Variants in GRHL2 observed in about 807,000 individuals in gnomAD.
The protein encoded by GRHL2 is grainyhead like transcription factor 2.
GRHL2 carries 21 observed loss-of-function variants against 83.8 expected under a neutral mutation model. That is an observed-to-expected ratio of 0.25 (90% CI 0.18 to 0.36). The LOEUF is 0.36. GRHL2 is among the 10% of genes least tolerant of loss of function. The pLI is 1.00. For synonymous variants in GRHL2, 280 were observed against 278.9 expected, an observed-to-expected ratio of 1.00 and a Z score of -0.04; for missense variants, 623 against 781.8, an observed-to-expected ratio of 0.80 and a Z score of 2.42.
chr8:101,531,757 A>C (rs1046295052), intron 1 of GRHL2, among the ~76,000 whole-genome samples: 1 of 151,762 alleles, frequency 6.6e-6, no homozygotes, highest in Non-Finnish European at 1.5e-5. Flanking sequence ...CAATCCTTTT[A>C]CTTAATAGGT....
chr8:101,492,708 A>C lies in GRHL2; in HGVS notation c.-62A>C. 1 of 1,473,504 alleles carries C rather than the reference A, an allele frequency of 6.8e-7. No homozygotes were observed. The highest frequency in any genetic ancestry group is 9.5e-7 in the Non-Finnish European group (1 of 1,051,428). The allele number at this position is 1,473,504 out of a possible 1,614,324, so 91.3% of individuals were successfully genotyped here. A position where few individuals can be genotyped will look rare whatever the true frequency, so the allele number is the denominator to read the frequency against. ...CACACCTTCACCTGCACAGACTTGA[A>C]AGTCCAGTTTCACCAGAGGCTGAGG... On this transcript the variant is annotated 5_prime_UTR_variant, in exon 1 of 16. Coordinates refer to ENST00000646743, the MANE Select transcript of GRHL2 (RefSeq NM_024915.4).
At chr8:101,524,506 T>A (rs1220700355) in intron 1 of GRHL2, among the ~76,000 whole-genome samples, 1 of 152,178 alleles carries the variant, frequency 6.6e-6, no homozygotes, top group Non-Finnish European at 1.5e-5. Context: ...CTGATTTATC[T>A]ATATCCCACA....
At chr8:101,675,920 T>A in the GRHL2 span, among the ~76,000 whole-genome samples, 119 of 152,278 alleles carry the variant, frequency 7.8e-4, no homozygotes, top group African/African-American at 2.7e-3. Context: ...TCTACAACCA[T>A]CTGATCTTTG....
intron 14 of GRHL2, among the ~76,000 whole-genome samples, chr8:101,654,061 G>T (rs1343447989): frequency 6.6e-6 from 1 of 152,158 alleles, no homozygotes; most frequent in Non-Finnish European, 1.5e-5. Flanking sequence ...TTTCATAACC[G>T]CATCGCAGCG....
At chr8:101,554,604 T>G (rs1172379708) in intron 3 of GRHL2, among the ~76,000 whole-genome samples, 1 of 152,212 alleles carries the variant, frequency 6.6e-6, no homozygotes, top group Non-Finnish European at 1.5e-5. Flanking sequence ...TGAATATAAT[T>G]TGGAAGGATG....
At chr8:101,674,059 T>C (rs978175108), downstream of GRHL2, among the ~76,000 whole-genome samples, 2 of 150,510 alleles carry the variant, frequency 1.3e-5, no homozygotes, top group East Asian at 3.9e-4. Flanking sequence ...TTCAAAGCAG[T>C]GTGTAGAGGG....
intron 7 of GRHL2, among the ~76,000 whole-genome samples, chr8:101,579,507 G>T (rs1812004248): frequency 6.6e-6 from 1 of 152,116 alleles, no homozygotes; most frequent in Admixed American, 6.5e-5. Context: ...GTAGCTTCAT[G>T]GGTAGCTGGG....
intron 1 of GRHL2, among the ~76,000 whole-genome samples, chr8:101,532,702 C>T (rs1250987083): frequency 2.0e-5 from 3 of 150,344 alleles, no homozygotes; most frequent in African/African-American, 4.9e-5. Flanking sequence ...TGCAGTGAGC[C>T]GAGATCATGC....
At chr8:101,621,530 A>G (rs970793354) in intron 9 of GRHL2, among the ~76,000 whole-genome samples, 1 of 152,176 alleles carries the variant, frequency 6.6e-6, no homozygotes, top group African/African-American at 2.4e-5. Flanking sequence ...ACAAGCTGGA[A>G]AACAATAAAA....
In GRHL2 at chr8:101,573,797, C is replaced by T. The variant is rs1438479500; in HGVS notation, c.864C>T (p.Cys288=). ...ITLSETGDNK[C]FRHPISKVRS... ...TCAGCGAGACCGGAGACAACAAATGCTTCCGACACCCCATCAGCAAAGTCA... is the reference window on the plus strand; with the variant it reads ...TCAGCGAGACCGGAGACAACAAATGTTTCCGACACCCCATCAGCAAAGTCA... Residue 288 remains cysteine (C), a synonymous_variant, in exon 6 of 16, where the codon TGC becomes TGT. Transcript: ENST00000646743. 2.1e-5 allele frequency: 34 copies of T among 1,614,220 alleles called. No homozygotes were observed. Among genetic ancestry groups the T allele is most frequent in the Non-Finnish European group, 2.8e-5 (33 of 1,180,040 alleles).
intron 11 of GRHL2, among the ~76,000 whole-genome samples, chr8:101,632,839 C>A (rs1813213949): frequency 6.6e-6 from 1 of 152,164 alleles, no homozygotes; most frequent in South Asian, 2.1e-4. Context: ...CATTTCACAT[C>A]AAAAGAAAAA....
chr8:101,589,800 G>A (rs904403710), intron 7 of GRHL2, among the ~76,000 whole-genome samples: 1 of 152,190 alleles, frequency 6.6e-6, no homozygotes, highest in African/African-American at 2.4e-5. Flanking sequence ...GTCACTCTAT[G>A]CTGGTCACAT....
intron 14 of GRHL2, among the ~76,000 whole-genome samples, chr8:101,657,216 T>C (rs1320546412): frequency 6.6e-6 from 1 of 152,150 alleles, no homozygotes; most frequent in East Asian, 1.9e-4. Context: ...GAACAGCATA[T>C]AACTCCACAT....
At chr8:101,557,774 GCTTCTT>G (rs1811518017) in intron 3 of GRHL2, among the ~76,000 whole-genome samples, 1 of 152,028 alleles carries the variant, frequency 6.6e-6, no homozygotes, top group African/African-American at 2.4e-5. Flanking sequence ...TTGTCTGATC[GCTTCTT>G]TTTGATGTTG....
At chr8:101,552,288 A>G (rs1204916407) in intron 2 of GRHL2, among the ~76,000 whole-genome samples, 1 of 152,160 alleles carries the variant, frequency 6.6e-6, no homozygotes, top group East Asian at 1.9e-4. Flanking sequence ...TAAAGTTCTC[A>G]TCAGAGGGGA....
chr8:101,549,161 A>G (rs555653557), intron 2 of GRHL2, among the ~76,000 whole-genome samples: 1 of 152,222 alleles, frequency 6.6e-6, no homozygotes, highest in African/African-American at 2.4e-5. Flanking sequence ...GGGGTGGGGC[A>G]TGTTCTAGGC....
In GRHL2 at chr8:101,558,371, T is replaced by C. The variant is rs189324398; in HGVS notation, c.285-48T>C. 5.9e-5 allele frequency: 95 copies of C among 1,608,308 alleles called. 1 individual carries two copies. The African/African-American group carries it at 1.1e-3, about 18-fold the overall frequency. On this transcript the variant is annotated intron_variant, in intron 3 of 15. Transcript: ENST00000646743. ...GGTTATTCTATTAGGCGTTGCCGAA[T>C]GGTGATTTTTCTAATTCTATCATGT...
In GRHL2 at chr8:101,608,735, T is replaced by TCA. The variant is rs72332231; in HGVS notation, c.1098+9626_1098+9627dup. On this transcript the variant is annotated intron_variant, in intron 8 of 15. Transcript: ENST00000646743. ...ATTTGCTTTGTCTCTGCTCACTCTC[T>TCA]CACACACACACACACACACACACAC... is the stretch of plus-strand genomic sequence containing the variant. Among the ~76,000 whole-genome samples the TCA allele has an allele frequency of 5.7e-3, 831 of 144,734 alleles. 21 individuals are homozygous for TCA. Among genetic ancestry groups the TCA allele is most frequent in the East Asian group, 0.03 (150 of 4,954 alleles). The allele number at this position is 144,734 out of a possible 152,430, so 95.0% of individuals were successfully genotyped here.
chr8:101,512,523 C>T (rs1169973593), intron 1 of GRHL2, among the ~76,000 whole-genome samples: 1 of 152,060 alleles, frequency 6.6e-6, no homozygotes, highest in East Asian at 1.9e-4. Context: ...CACCCAGGCC[C>T]GAGTGCGGTG....
Sources: gnomAD v4.1 joint callset for allele counts (sites outside exome capture counted in the v4.1 genomes callset) on GRCh38, gnomAD v4.1.1 for gene constraint, MANE v1.5 for transcripts, NCBI Gene and HGNC (gene_info 2026-07-23, HGNC 2026-07-21) for gene names.